KIR2DL1: variants seen among roughly 807,000 people sequenced by gnomAD.
KIR2DL1 encodes killer cell immunoglobulin-like receptor 2DL1.
Under a neutral mutation model 33.9 loss-of-function variants are expected in KIR2DL1, and 38 were observed. The ratio of observed to expected loss-of-function variants is 1.12; its 90% confidence interval spans 0.86 to 1.47. KIR2DL1 has a LOEUF of 1.47. KIR2DL1 is among the 40% of genes most tolerant of loss of function. The pLI, the probability that KIR2DL1 is intolerant of heterozygous loss-of-function variation, is 0.00. For missense variants in KIR2DL1, 531 were observed against 433.9 expected, an observed-to-expected ratio of 1.22 and a Z score of -1.99; for synonymous variants, 179 against 165.9, an observed-to-expected ratio of 1.08 and a Z score of -0.61.
At chr19:54,779,169 A>G (rs1350293827) in intron 5 of KIR2DL1, among the ~76,000 whole-genome samples, 2 of 148,238 alleles carry the variant, frequency 1.3e-5, no homozygotes, top group African/African-American at 2.5e-5. Context: ...CCACGGCCCC[A>G]TGCTCAGGCT....
At chr19:54,770,036 T>C (rs2075474045) in intron 1 of KIR2DL1, 152 bp downstream of exon 1, 2 of 977,544 alleles carry the variant, frequency 2.0e-6, no homozygotes, top group Non-Finnish European at 3.1e-6. Flanking sequence ...GTGATGGGCC[T>C]AGAAGTGGAG....
chr19:54,781,800 T>C (rs1044006438), intron 5 of KIR2DL1, among the ~76,000 whole-genome samples: 2 of 152,140 alleles, frequency 1.3e-5, no homozygotes, highest in Admixed American at 1.3e-4. Flanking sequence ...ATTTCACTTT[T>C]GTTTTCTTTC....
intron 4 of KIR2DL1, 107 bp from the exon 5 acceptor site, chr19:54,778,505 T>C (rs11669355): frequency 0.51 from 514,143 of 1,015,112 alleles, 155,529 homozygotes; most frequent in Middle Eastern, 0.59. Flanking sequence ...CTCCCAGGGC[T>C]CAATATTAGA....
chr19:54,770,616 G>T (rs554430789), intron 1 of KIR2DL1, among the ~76,000 whole-genome samples: 1 of 145,778 alleles, frequency 6.9e-6, no homozygotes, highest in East Asian at 2.0e-4. Context: ...TATCGGCCTG[G>T]AGTGGAGATA....
chr19:54,782,674 G>A (rs2077134599), intron 5 of KIR2DL1, among the ~76,000 whole-genome samples: 1 of 151,880 alleles, frequency 6.6e-6, no homozygotes, highest in East Asian at 1.9e-4. Context: ...CCACAGTGGG[G>A]GTGAAATTTC....
intron 1 of KIR2DL1, among the ~76,000 whole-genome samples, chr19:54,770,428 G>A (rs2075552993): frequency 6.9e-6 from 1 of 144,990 alleles, no homozygotes; most frequent in African/African-American, 2.5e-5. Context: ...GGGCCTGGGT[G>A]TGGAGATATG....
At chr19:54,781,363 A>T (rs1171276915) in intron 5 of KIR2DL1, among the ~76,000 whole-genome samples, 1 of 150,226 alleles carries the variant, frequency 6.7e-6, no homozygotes, top group Non-Finnish European at 1.5e-5. Context: ...TCATATAGAA[A>T]ATGTGAAAGC....
Position 54,769,858 on chromosome 19 carries a change from T to C in KIR2DL1, c.8T>C (p.Leu3Pro). The C allele has an allele frequency of 6.4e-7, 1 of 1,570,440 alleles. No homozygotes were observed. Among genetic ancestry groups the C allele is most frequent in the Non-Finnish European group, 8.7e-7 (1 of 1,147,568 alleles). The change falls in exon 1 of 8, where the codon CTC becomes CCC. Residue 3 changes from leucine (L) to proline (P), a missense_variant. Leu to Pro is a moderately conservative substitution (Grantham distance 98, BLOSUM62 -3). Coordinates refer to ENST00000336077, the MANE Select transcript of KIR2DL1 (RefSeq NM_014218.3). ...GTCTGCTCCGGCAGCACCATGTCGC[T>C]CTTGGTCGTCAGCATGGCGTGTGTT... is the stretch of plus-strand genomic sequence containing the variant. MS[L>P]LVVSMACVGF...
At chr19:54,777,865 T>A (rs2984170) in intron 4 of KIR2DL1, among the ~76,000 whole-genome samples, 3 of 135,542 alleles carry the variant, frequency 2.2e-5, no homozygotes, top group Non-Finnish European at 4.9e-5. Context: ...ACAGGTAGAG[T>A]TGCAGTTTCA....
intron 2 of KIR2DL1, among the ~76,000 whole-genome samples, chr19:54,773,026 T>A (rs1408758600): frequency 6.7e-6 from 1 of 148,292 alleles, no homozygotes; most frequent in South Asian, 2.1e-4. Flanking sequence ...CCTATCCTGG[T>A]TCCTCTTCCA....
intron 4 of KIR2DL1, among the ~76,000 whole-genome samples, chr19:54,776,826 T>C (rs1431165032): frequency 1.4e-5 from 2 of 146,006 alleles, no homozygotes; most frequent in Non-Finnish European, 3.0e-5. Context: ...TTTTTTAGTA[T>C]AGATGCGGTT....
chr19:54,776,083 G>A lies in KIR2DL1; in HGVS notation c.664+625G>A, dbSNP rs1173278489. Among the ~76,000 whole-genome samples, 8 of 145,046 alleles carry A rather than the reference G, an allele frequency of 5.5e-5. 1 individual carries two copies. Among genetic ancestry groups the A allele is most frequent in the African/African-American group, 2.0e-4 (8 of 39,588 alleles). Reference sequence around the variant, plus strand: ...CTTTTTGTATTTTTAGTAGAGAGGTGGTTTCACCATGTTGGTCGAGCTGGT... The same window carrying A: ...CTTTTTGTATTTTTAGTAGAGAGGTAGTTTCACCATGTTGGTCGAGCTGGT... On this transcript the variant is annotated intron_variant, in intron 4 of 7. Coordinates refer to ENST00000336077, the MANE Select transcript of KIR2DL1 (RefSeq NM_014218.3).
intron 5 of KIR2DL1, among the ~76,000 whole-genome samples, chr19:54,779,424 C>T (rs1469538319): frequency 6.7e-6 from 1 of 148,328 alleles, no homozygotes; most frequent in East Asian, 1.9e-4. Flanking sequence ...TCCCCTTCCT[C>T]CTTCCTCAAA....
intron 4 of KIR2DL1, among the ~76,000 whole-genome samples, chr19:54,776,009 A>C (rs2076289195): frequency 6.8e-6 from 1 of 146,372 alleles, no homozygotes; most frequent in South Asian, 2.2e-4. Context: ...CTCCTGCCTC[A>C]GCCACCTGAG....
rs1363868113 is a variant in KIR2DL1 at position 54,770,834 on chromosome 19, G to T, written c.35-15G>T. 6.3e-7 allele frequency: 1 copy of T among 1,584,182 alleles called. No homozygotes were observed. The highest frequency in any genetic ancestry group is 1.1e-5 in the South Asian group (1 of 90,216). On this transcript the variant is annotated splice_polypyrimidine_tract_variant and intron_variant, in intron 1 of 7. Transcript: ENST00000336077. ...TGCCTGCAGATGGGTCATCCATCAT[G>T]ATCTTTCTTTCCAGGGTTCTTCTTG...
At chr19:54,776,202 T>A (rs1170012690) in intron 4 of KIR2DL1, among the ~76,000 whole-genome samples, 4 of 146,368 alleles carry the variant, frequency 2.7e-5, no homozygotes, top group Non-Finnish European at 4.6e-5. Flanking sequence ...ATTTACCATT[T>A]TTAAGTGTAA....
chr19:54,770,028 G>A lies in KIR2DL1; in HGVS notation c.34+144G>A, dbSNP rs1299141024. 13 of 988,110 alleles carry A rather than the reference G, an allele frequency of 1.3e-5. No homozygotes were observed. The Admixed American group carries it at 2.8e-4, about 21-fold the overall frequency. The allele number at this position is 988,110 out of a possible 1,614,324, so 61.2% of individuals were successfully genotyped here. A position where few individuals can be genotyped will look rare whatever the true frequency, so the allele number is the denominator to read the frequency against. On this transcript the variant is annotated intron_variant, in intron 1 of 7. Transcript: ENST00000336077. The stretch of plus-strand genomic sequence containing the variant: ...GGATATATGGGCCTAGAGATGGAGT[G>A]ATGGGCCTAGAAGTGGAGATCTGGG...
chr19:54,774,320 A>G (rs796675071), intron 3 of KIR2DL1, among the ~76,000 whole-genome samples: 1 of 140,428 alleles, frequency 7.1e-6, no homozygotes, highest in Non-Finnish European at 1.6e-5. Flanking sequence ...AGAGACTCAC[A>G]GACACATAAA....
chr19:54,770,131 A>G (rs1353491474), intron 1 of KIR2DL1, among the ~76,000 whole-genome samples: 2 of 122,268 alleles, frequency 1.6e-5, no homozygotes, highest in Non-Finnish European at 3.5e-5. Context: ...GGAGATAGGA[A>G]CCTGGAGGGG....
Sources: allele counts gnomAD v4.1 joint callset (sites outside exome capture counted in the v4.1 genomes callset), GRCh38; gene constraint gnomAD v4.1.1; transcripts MANE v1.5; gene names NCBI Gene and HGNC (gene_info 2026-07-23, HGNC 2026-07-21).